DNAH11: variants seen among roughly 807,000 people sequenced by gnomAD.
The protein encoded by DNAH11 is axonemal beta dynein heavy chain 11.
A neutral mutation model predicts 526.0 loss-of-function variants in DNAH11; 442 were observed. The ratio of observed to expected loss-of-function variants is 0.84; its 90% CI spans 0.78 to 0.91. DNAH11 has a LOEUF of 0.91. Among genes scored for constraint, DNAH11 ranks in the 40% least tolerant of loss-of-function variants. DNAH11 has a pLI of 0.00. For synonymous variants in DNAH11, 2,461 were observed against 1,935.9 expected (o/e 1.27, Z -7.12); for missense variants, 6,989 against 5,448.7 (o/e 1.28, Z -8.90).
chr7:21,730,765 A>G (rs534924423), intron 45 of DNAH11, among the ~76,000 whole-genome samples: 1 of 152,330 alleles, frequency 6.6e-6, no homozygotes, highest in African/African-American at 2.4e-5. Flanking sequence ...GATCTATCGT[A>G]CATGGTGACT....
At chr7:21,588,718 T>G (rs967611374) in intron 11 of DNAH11, 82 bp downstream of exon 11, 20 of 1,505,738 alleles carry the variant, frequency 1.3e-5, no homozygotes, top group Non-Finnish European at 1.8e-5. Context: ...CTGTTCATAT[T>G]AGCACTTAGG....
intron 57 of DNAH11, among the ~76,000 whole-genome samples, chr7:21,783,974 T>C (rs949158829): frequency 2.6e-5 from 4 of 152,316 alleles, no homozygotes; most frequent in Admixed American, 2.6e-4. Context: ...AGATCTGTTC[T>C]TTAGGAATAG....
chr7:21,822,509 A>G (rs541454391), intron 65 of DNAH11, among the ~76,000 whole-genome samples: 4 of 152,248 alleles, frequency 2.6e-5, no homozygotes, highest in Admixed American at 2.6e-4. Context: ...CAAATATCCA[A>G]ACTGTATCAC....
At chr7:21,733,796 A>G (rs944025449) in intron 45 of DNAH11, among the ~76,000 whole-genome samples, 4 of 152,172 alleles carry the variant, frequency 2.6e-5, no homozygotes, top group African/African-American at 4.8e-5. Context: ...ACGTAATGCA[A>G]TCCTTACATC....
Position 21,847,725 on chromosome 7 carries a change from T to A in DNAH11, c.10897-4742T>A, listed in dbSNP as rs180957476. ...ACAGTTCGACTATATCCTTGCTGAT[T>A]TTTTGCCTGCTGGATCTGTCAATTA... is the stretch of plus-strand genomic sequence containing the variant. On this transcript the variant is annotated intron_variant, in intron 66 of 81. Coordinates refer to ENST00000409508, the MANE Select transcript of DNAH11 (RefSeq NM_001277115.2). 3.9e-3 allele frequency among the ~76,000 whole-genome samples: 600 copies of A among 152,286 alleles called. 2 individuals carry two copies. Among genetic ancestry groups the A allele is most frequent in the Non-Finnish European group, 4.9e-3 (334 of 68,016 alleles).
At position 21,901,390 on chromosome 7, in the gene DNAH11, G is replaced by C. The variant is rs1259185006; in HGVS notation, c.*136G>C. The C allele has an allele frequency of 1.6e-6, 2 of 1,253,798 alleles. No homozygotes were observed. The highest frequency in any genetic ancestry group is 1.0e-6 in the Non-Finnish European group (1 of 970,158). The allele number at this position is 1,253,798 out of a possible 1,614,324, so 77.7% of individuals were successfully genotyped here. ...CATTCTTTTTTCAACGCTATCCTTA[G>C]AGTGAAAGTCAGAAAAAAATACTAG... On this transcript the variant is annotated 3_prime_UTR_variant, in exon 82 of 82. Coordinates refer to ENST00000409508, the MANE Select transcript of DNAH11 (RefSeq NM_001277115.2).
At chr7:21,811,370 C>G (rs1217237587) in intron 63 of DNAH11, among the ~76,000 whole-genome samples, 1 of 151,632 alleles carries the variant, frequency 6.6e-6, no homozygotes, top group African/African-American at 2.4e-5. Flanking sequence ...GCAGGAGAAT[C>G]GCTTAAACCC....
Position 21,735,667 on chromosome 7 carries a change from G to C in DNAH11, c.7468G>C (p.Ala2490Pro). ...AGTTCTCGTTCACACAACAGAGACA[G>C]CTCGTCTTAGATATTTCATGGAGTT... is the stretch of plus-strand genomic sequence containing the variant. ...QTVLVHTTET[A>P]RLRYFMELLL... is the part of the protein sequence containing the mutation. The change falls in exon 46 of 82, where the codon GCT (alanine) becomes CCT (proline). Residue 2490 changes from alanine to proline, a missense_variant. Coordinates refer to ENST00000409508, the MANE Select transcript of DNAH11 (RefSeq NM_001277115.2). 2 of 1,603,282 alleles carry C rather than the reference G, an allele frequency of 1.2e-6. No individual in the cohort carries two copies. The highest frequency in any genetic ancestry group is 2.2e-5 in the East Asian group (1 of 44,706).
At chr7:21,621,613 G>A (rs1410003842) in intron 25 of DNAH11, among the ~76,000 whole-genome samples, 1 of 151,998 alleles carries the variant, frequency 6.6e-6, no homozygotes, top group East Asian at 1.9e-4. Context: ...ACATCAAAAA[G>A]CTTATCCACC....
intron 41 of DNAH11, 70 bp downstream of exon 41, chr7:21,710,773 C>T (rs1431482751): frequency 9.7e-6 from 14 of 1,442,384 alleles, no homozygotes; most frequent in East Asian, 2.6e-5. Flanking sequence ...ATTCACTTGT[C>T]GATGTTAATA....
At chr7:21,617,184 T>G (rs926680159) in intron 22 of DNAH11, among the ~76,000 whole-genome samples, 3 of 152,254 alleles carry the variant, frequency 2.0e-5, no homozygotes. Context: ...ATGAAATATT[T>G]AGGTTTCAAG....
At chr7:21,585,741 G>A (rs1282825714) in intron 9 of DNAH11, among the ~76,000 whole-genome samples, 2 of 152,172 alleles carry the variant, frequency 1.3e-5, no homozygotes, top group African/African-American at 4.8e-5. Flanking sequence ...ATCTTTGAAA[G>A]AGGCGCACCT....
At chr7:21,726,228 G>A (rs555859966) in intron 45 of DNAH11, among the ~76,000 whole-genome samples, 3 of 152,170 alleles carry the variant, frequency 2.0e-5, no homozygotes, top group East Asian at 1.9e-4. Context: ...GGGAGGTGCT[G>A]CACACTTTTA....
In DNAH11 at chr7:21,588,604, G is replaced by A. The variant is rs1324271741; in HGVS notation, c.1941G>A (p.Met647Ile). The A allele has an allele frequency of 3.1e-6, 5 of 1,613,674 alleles. No individual in the cohort carries two copies. Among genetic ancestry groups the A allele is most frequent in the Non-Finnish European group, 3.4e-6 (4 of 1,179,622 alleles). Residue 647 changes from methionine to isoleucine, a missense_variant, in exon 11 of 82, where the codon ATG becomes ATA. By Grantham distance (10) the Met-to-Ile change is conservative (BLOSUM62 1). Transcript: ENST00000409508. ...AGCAGGTTCTCCAACGACTTCAAAT[G>A]TTTTGGTCAAACTTCGCATCTCTCC... The part of the protein sequence containing the change: ...WAQQVLQRLQ[M>I]FWSNFASLRY...
At position 21,867,889 on chromosome 7, in the gene DNAH11, G is replaced by A. The variant is rs1483295081; in HGVS notation, c.11721G>A (p.Lys3907=). ...TTGTAGAGGAAAAACTGGGTGCGAA[G>A]TATGTGGAGAGGACCAGATTGGACT... ...RNFVEEKLGA[K]YVERTRLDLV... The change falls in exon 72 of 82, where the codon AAG becomes AAA. Residue 3907 remains lysine, a synonymous_variant. Transcript: ENST00000409508. 5 of 1,579,396 alleles carry A rather than the reference G, an allele frequency of 3.2e-6. No individual in the cohort carries two copies. The highest frequency in any genetic ancestry group is 2.6e-6 in the Non-Finnish European group (3 of 1,161,304).
chr7:21,790,313 C>G (rs1383823990), intron 61 of DNAH11, among the ~76,000 whole-genome samples: 2 of 152,020 alleles, frequency 1.3e-5, no homozygotes, highest in African/African-American at 2.4e-5. Context: ...AGCCGGGCGT[C>G]ATGGCGGGTG....
chr7:21,615,458 A>G lies in DNAH11; in HGVS notation c.4011+186A>G, dbSNP rs559574906. Among the ~76,000 whole-genome samples the G allele has an allele frequency of 2.0e-5, 3 of 152,200 alleles. No homozygotes were observed. The East Asian group carries it at 5.8e-4, about 29-fold the overall frequency. On this transcript the variant is annotated intron_variant, in intron 21 of 81. Coordinates refer to ENST00000409508, the MANE Select transcript of DNAH11 (RefSeq NM_001277115.2). ...AGTGGATGATTCTTCTTTGAATACC[A>G]GTTGTTTTTATTTTTAGTTCAGGAT...
chr7:21,710,852 A>G, intron 41 of DNAH11, 149 bp downstream of exon 41: 1 of 829,580 alleles, frequency 1.2e-6, no homozygotes. Context: ...CTTTCCTGAT[A>G]ATTTTCTTAA....
At chr7:21,862,167 C>T (rs1783090068) in intron 69 of DNAH11, 144 bp downstream of exon 69, 1 of 869,318 alleles carries the variant, frequency 1.2e-6, no homozygotes. Flanking sequence ...GGGGAATTTG[C>T]TTCCCACAGG....
Sources: allele counts gnomAD v4.1 joint callset (sites outside exome capture counted in the v4.1 genomes callset), GRCh38; gene constraint gnomAD v4.1.1; transcripts MANE v1.5; gene names NCBI Gene and HGNC (gene_info 2026-07-23, HGNC 2026-07-21).